Variants in CDK5RAP3 observed in about 807,000 individuals in gnomAD.
The protein encoded by CDK5RAP3 is CDK5 regulatory subunit associated protein 3.
A neutral mutation model predicts 73.3 loss-of-function variants in CDK5RAP3; 58 were observed. The ratio of observed to expected loss-of-function variants is 0.79; its 90% CI spans 0.64 to 0.98. The LOEUF is 0.98. Among genes scored for constraint, CDK5RAP3 ranks in the 50% least tolerant of loss-of-function variants. The probability of loss-of-function intolerance (pLI) is 0.00; values close to 1 mark genes in which losing one functional copy is unlikely to be tolerated. For synonymous variants in CDK5RAP3, 224 were observed against 247.5 expected (o/e 0.91, Z 0.89); for missense variants, 525 against 615.8 (o/e 0.85, Z 1.56).
chr17:47,974,557 A>G, intron 5 of CDK5RAP3, 109 bp downstream of exon 5: 1 of 1,575,512 alleles, frequency 6.3e-7, no homozygotes, highest in Non-Finnish European at 8.6e-7. Flanking sequence ...AAGAGACTGG[A>G]GTGTAGATGT....
upstream of CDK5RAP3, among the ~76,000 whole-genome samples, chr17:47,969,758 C>T (rs1357096094): frequency 6.6e-6 from 1 of 152,064 alleles, no homozygotes; most frequent in East Asian, 1.9e-4. Flanking sequence ...GCCCCGACAA[C>T]TCCCTCGAAC....
At chr17:47,976,676 A>G (rs1466465176) in intron 8 of CDK5RAP3, 36 bp from the exon 9 acceptor site, 1 of 1,452,166 alleles carries the variant, frequency 6.9e-7, no homozygotes, top group Non-Finnish European at 9.6e-7. Flanking sequence ...TTTTAAATCC[A>G]TCTTCCATGA....
At chr17:47,975,690 T>C (rs1423910212) in intron 7 of CDK5RAP3, 37 bp downstream of exon 7, 4 of 1,575,424 alleles carry the variant, frequency 2.5e-6, no homozygotes, top group Non-Finnish European at 3.4e-6. Flanking sequence ...GGGGGTGCTT[T>C]GCCTGTGTTC....
At chr17:47,971,052 T>A, upstream of CDK5RAP3, 3 of 1,547,848 alleles carry the variant, frequency 1.9e-6, no homozygotes, top group Non-Finnish European at 2.6e-6. Flanking sequence ...GGATGCCCGT[T>A]TGTGTCTAAA....
chr17:47,972,535 C>T lies in CDK5RAP3; in HGVS notation c.53-984C>T, dbSNP rs551322792. ...CTGTAGTGCCATTTAGTCAGTCCTG[C>T]TTGGTGGTCACGGGGGAAGCTTCTT... On this transcript the variant is annotated intron_variant, in intron 2 of 13. Coordinates refer to ENST00000338399, the MANE Select transcript of CDK5RAP3 (RefSeq NM_176096.3). 8.0e-4 allele frequency among the ~76,000 whole-genome samples: 122 copies of T among 152,228 alleles called. 4 individuals carry two copies. The South Asian group carries it at 0.023, about 29-fold the overall frequency.
At chr17:47,976,036 C>T in intron 8 of CDK5RAP3, 23 bp downstream of exon 8, 1 of 1,609,438 alleles carries the variant, frequency 6.2e-7, no homozygotes, top group Non-Finnish European at 8.5e-7. Flanking sequence ...TTGTGATGAG[C>T]TGTAGGAGTG....
At chr17:47,976,652 C>A in intron 8 of CDK5RAP3, 60 bp from the exon 9 acceptor site, 1 of 1,186,578 alleles carries the variant, frequency 8.4e-7, no homozygotes, top group Non-Finnish European at 1.3e-6. Context: ...ACATGAGCCA[C>A]CATGCCCGGC....
At chr17:47,970,820 GC>G, upstream of CDK5RAP3, 1 of 1,415,384 alleles carries the variant, frequency 7.1e-7, no homozygotes, top group African/African-American at 1.4e-5. Context: ...GGAAGCGGCT[GC>G]CAGGCTGGGC....
chr17:47,981,497 C>T lies in CDK5RAP3; in HGVS notation c.1516C>T (p.Leu506=), dbSNP rs758889995. 2.2e-5 allele frequency: 35 copies of T among 1,614,136 alleles called. No homozygotes were observed. Among genetic ancestry groups the T allele is most frequent in the Non-Finnish European group, 2.8e-5 (33 of 1,180,060 alleles). ...GRPVNLMGTS[L] is the part of the protein sequence containing the mutation. ...CCCTGTGAACCTGATGGGAACCTCTCTGTGACACCCTCCGTGTTCTTGCCT... is the reference window on the plus strand; with the variant it reads ...CCCTGTGAACCTGATGGGAACCTCTTTGTGACACCCTCCGTGTTCTTGCCT... The change falls in exon 14 of 14, where the codon CTG becomes TTG. Residue 506 remains leucine, a synonymous_variant. Transcript: ENST00000338399.
At chr17:47,971,190 G>A (rs1255284927) in intron 1 of CDK5RAP3, 38 bp downstream of exon 1, 5 of 1,535,574 alleles carry the variant, frequency 3.3e-6, no homozygotes, top group Non-Finnish European at 3.5e-6. Context: ...GGGACTGGCC[G>A]CGGACCCCTA....
rs369866182 is a variant in CDK5RAP3 at position 47,973,571 on chromosome 17, G to C, written c.105G>C (p.Leu35=). ...HCSLKWQSLV[L]TIREKINAAI... ...GCCTGAAATGGCAGAGTCTGGTGCT[G>C]ACGATCCGCGAGAAGATCAATGCTG... The change falls in exon 3 of 14, where the codon CTG becomes CTC. Residue 35 remains leucine (L), a synonymous_variant. Transcript: ENST00000338399. 1 of 1,614,182 alleles carries C rather than the reference G, an allele frequency of 6.2e-7. No individual in the cohort carries two copies. Among genetic ancestry groups the C allele is most frequent in the African/African-American group, 1.3e-5 (1 of 75,046 alleles).
intron 11 of CDK5RAP3, 151 bp downstream of exon 11, chr17:47,979,068 CT>C (rs1273141498): frequency 4.8e-6 from 3 of 629,448 alleles, no homozygotes; most frequent in Non-Finnish European, 8.6e-6. Flanking sequence ...TAGATGCCTC[CT>C]ATTCATCCAG....
chr17:47,980,350 C>T, intron 11 of CDK5RAP3: 1 of 510,108 alleles, frequency 2.0e-6, no homozygotes, highest in South Asian at 2.0e-5. Context: ...CTCACTATAA[C>T]CTCAAACTCC....
chr17:47,974,911 G>A, intron 5 of CDK5RAP3: 1 of 1,390,502 alleles, frequency 7.2e-7, no homozygotes, highest in Non-Finnish European at 9.3e-7. Context: ...TAAATGCAAG[G>A]AATTGTGCTT....
At chr17:47,978,790 C>T (rs776635608) in intron 10 of CDK5RAP3, 39 bp from the exon 11 acceptor site, 1 of 1,509,044 alleles carries the variant, frequency 6.6e-7, no homozygotes, top group East Asian at 2.3e-5. Context: ...CTTCTCCAGT[C>T]CTCTGATCCT....
intron 9 of CDK5RAP3, among the ~76,000 whole-genome samples, chr17:47,977,272 C>T (rs1184679081): frequency 6.6e-6 from 1 of 152,200 alleles, no homozygotes; most frequent in Non-Finnish European, 1.5e-5. Flanking sequence ...CCTCAGCCTC[C>T]TGAGTAGCTG....
At chr17:47,975,074 C>T in intron 5 of CDK5RAP3, 85 bp from the exon 6 acceptor site, 1 of 1,612,260 alleles carries the variant, frequency 6.2e-7, no homozygotes, top group African/African-American at 1.3e-5. Flanking sequence ...GTGCTCTTCA[C>T]CACCACAAAG....
intron 2 of CDK5RAP3, 24 bp from the exon 3 acceptor site, chr17:47,973,495 C>T: frequency 1.9e-6 from 3 of 1,608,652 alleles, no homozygotes; most frequent in Non-Finnish European, 2.6e-6. Flanking sequence ...TGGGAATGCT[C>T]TAATTTGGGT....
chr17:47,975,125 G>A (rs934467768), intron 5 of CDK5RAP3, 34 bp from the exon 6 acceptor site: 1 of 1,613,948 alleles, frequency 6.2e-7, no homozygotes, highest in East Asian at 2.2e-5. Flanking sequence ...TCATGTGGGG[G>A]TGTCCTGGGC....
Sources: gnomAD v4.1 joint callset for allele counts (sites outside exome capture counted in the v4.1 genomes callset) on GRCh38, gnomAD v4.1.1 for gene constraint, MANE v1.5 for transcripts, NCBI Gene and HGNC (gene_info 2026-07-23, HGNC 2026-07-21) for gene names.